CCDC60: variants seen among roughly 807,000 people sequenced by gnomAD.
CCDC60 encodes the protein coiled-coil domain containing 60.
A neutral mutation model predicts 63.5 loss-of-function variants in CCDC60; 54 were observed. The ratio of observed to expected loss-of-function variants is 0.85; its 90% CI spans 0.68 to 1.07. CCDC60 has a LOEUF of 1.07. Among genes scored for constraint, CCDC60 ranks in the 50% least tolerant of loss-of-function variants. CCDC60 has a pLI of 0.00. For synonymous variants in CCDC60, 206 were observed against 238.8 expected (o/e 0.86, Z 1.27); for missense variants, 651 against 684.3 (o/e 0.95, Z 0.54).
chr12:119,376,044 T>C (rs1408971396), intron 1 of CCDC60, among the ~76,000 whole-genome samples: 3 of 152,170 alleles, frequency 2.0e-5, no homozygotes, highest in African/African-American at 4.8e-5. Context: ...GAAATGTGGC[T>C]GTTGGAAGAG....
intron 1 of CCDC60, among the ~76,000 whole-genome samples, chr12:119,343,956 A>G (rs1955559567): frequency 6.6e-6 from 1 of 152,114 alleles, no homozygotes; most frequent in African/African-American, 2.4e-5. Flanking sequence ...CTCCTTCTCC[A>G]TACCCAAAGT....
intron 1 of CCDC60, among the ~76,000 whole-genome samples, chr12:119,409,844 T>C (rs1185731656): frequency 6.6e-6 from 1 of 152,062 alleles, no homozygotes; most frequent in Non-Finnish European, 1.5e-5. Context: ...TGCCTCTCTC[T>C]GTGTGTCTCC....
chr12:119,377,784 G>C (rs1280331881), intron 1 of CCDC60, among the ~76,000 whole-genome samples: 1 of 152,098 alleles, frequency 6.6e-6, no homozygotes, highest in Non-Finnish European at 1.5e-5. Context: ...TGTGAACACA[G>C]GCTCTTAAAC....
intron 13 of CCDC60, among the ~76,000 whole-genome samples, chr12:119,537,202 G>A (rs886432571): frequency 2.0e-5 from 3 of 151,866 alleles, no homozygotes; most frequent in Admixed American, 6.6e-5. Flanking sequence ...AGATTGAATC[G>A]GCTACTGAAG....
At chr12:119,503,772 G>A (rs892181405) in intron 6 of CCDC60, among the ~76,000 whole-genome samples, 13 of 152,142 alleles carry the variant, frequency 8.5e-5, no homozygotes, top group Non-Finnish European at 1.9e-4. Context: ...ACATACAGTG[G>A]ACTCCCTGAA....
At chr12:119,480,442 C>T (rs1951277830) in intron 4 of CCDC60, among the ~76,000 whole-genome samples, 1 of 152,166 alleles carries the variant, frequency 6.6e-6, no homozygotes. Context: ...AGCCAAGTTT[C>T]CTATACTTGA....
intron 4 of CCDC60, among the ~76,000 whole-genome samples, chr12:119,483,272 T>C (rs962750736): frequency 2.0e-5 from 3 of 152,248 alleles, no homozygotes; most frequent in Non-Finnish European, 4.4e-5. Flanking sequence ...CCCTGCCTGA[T>C]AATTCCTGAA....
intron 1 of CCDC60, among the ~76,000 whole-genome samples, chr12:119,425,004 T>C (rs1377839127): frequency 1.5e-5 from 2 of 134,538 alleles, no homozygotes; most frequent in African/African-American, 2.8e-5. Context: ...CAGCTATCAT[T>C]AGGTGACATT....
chr12:119,446,656 A>T (rs1051876148), intron 2 of CCDC60, among the ~76,000 whole-genome samples: 1 of 152,000 alleles, frequency 6.6e-6, no homozygotes, highest in Non-Finnish European at 1.5e-5. Flanking sequence ...CCAAATTATG[A>T]GTCAGAGTGT....
At chr12:119,411,024 C>T (rs1234295008) in intron 1 of CCDC60, among the ~76,000 whole-genome samples, 2 of 152,210 alleles carry the variant, frequency 1.3e-5, no homozygotes, top group Admixed American at 6.5e-5. Flanking sequence ...TGAGCCACTG[C>T]GCCCGGCCAC....
chr12:119,400,295 C>T (rs1240825974), intron 1 of CCDC60, among the ~76,000 whole-genome samples: 5 of 152,170 alleles, frequency 3.3e-5, no homozygotes, highest in African/African-American at 9.7e-5. Flanking sequence ...GTGATCCACC[C>T]GCCTTGGCCT....
In CCDC60 at chr12:119,456,041, A is replaced by AAG. The variant is rs1350255391; in HGVS notation, c.171-15951_171-15950dup. On this transcript the variant is annotated intron_variant, in intron 2 of 13. Transcript: ENST00000327554. This position sits in a 1 kb window ranked among gnomAD's most constrained non-coding sequence, Gnocchi z 4.6. Reference sequence around the variant, plus strand: ...AAAGAAAGAAAGAAAGAAAGAAAGAAAGAAAGAAAGAAAGAAAGAAAGCAA... The same window carrying AAG: ...AAAGAAAGAAAGAAAGAAAGAAAGAAAGAGAAAGAAAGAAAGAAAGAAAGCAA... Among the ~76,000 whole-genome samples the AAG allele has an allele frequency of 1.2e-4, 18 of 146,848 alleles. No homozygotes were observed. The highest frequency in any genetic ancestry group is 1.2e-3 in the Admixed American group (18 of 14,740).
intron 1 of CCDC60, among the ~76,000 whole-genome samples, chr12:119,377,254 CAAAAAAAAAAAAA>C (rs60100165): frequency 1.1e-4 from 5 of 47,458 alleles, no homozygotes; most frequent in South Asian, 1.3e-3. Context: ...CACTCCATCT[CAAAAAAAAAAAAA>C]AAAAAAAAAA....
chr12:119,373,185 T>G (rs562935486), intron 1 of CCDC60, among the ~76,000 whole-genome samples: 1 of 152,282 alleles, frequency 6.6e-6, no homozygotes, highest in African/African-American at 2.4e-5. Flanking sequence ...CTGGAGCAAC[T>G]TCAACTTCCT....
chr12:119,369,678 T>C (rs1044421414), intron 1 of CCDC60, among the ~76,000 whole-genome samples: 2 of 152,138 alleles, frequency 1.3e-5, no homozygotes, highest in African/African-American at 4.8e-5. Flanking sequence ...GTGGAGCTGT[T>C]GGGAGGATGT....
chr12:119,452,683 G>A (rs559512122), intron 2 of CCDC60, among the ~76,000 whole-genome samples: 5 of 152,322 alleles, frequency 3.3e-5, no homozygotes, highest in African/African-American at 9.6e-5. Context: ...TGGAAATGGC[G>A]ATAGTGGTGG....
chr12:119,530,908 C>A lies in CCDC60; in HGVS notation c.1396C>A (p.Leu466Ile), dbSNP rs148787992. ...FDLLSKLPEDLKNFRPAKKIL... is the reference protein window; with the variant it reads ...FDLLSKLPEDIKNFRPAKKIL... ...TCTGTTGTCCAAACTGCCAGAGGAT[C>A]TAAAGAACTTCCGCCCCGCCAAAAA... The change falls in exon 13 of 14, where the codon CTA (leucine) becomes ATA (isoleucine). Residue 466 changes from leucine to isoleucine, a missense_variant. Coordinates refer to ENST00000327554, the MANE Select transcript of CCDC60 (RefSeq NM_178499.5). 4.3e-5 allele frequency: 69 copies of A among 1,614,098 alleles called. No homozygotes were observed. In the African/African-American group the frequency reaches 5.6e-4, roughly 13 times the overall value.
rs1955664508 is a variant in CCDC60 at position 119,352,353 on chromosome 12, C to T, written c.90+17087C>T. ...CCTGCCTGTTAGTCTATCCTGTTAT[C>T]CTACCATTTACTAAGGGTTCACTGT... On this transcript the variant is annotated intron_variant, in intron 1 of 13. Transcript: ENST00000327554. Among the ~76,000 whole-genome samples the T allele has an allele frequency of 2.0e-5, 3 of 152,212 alleles. No homozygotes were observed. In the South Asian group the frequency reaches 6.2e-4, roughly 32 times the overall value.
At chr12:119,406,117 G>A (rs1956483967) in intron 1 of CCDC60, among the ~76,000 whole-genome samples, 1 of 152,120 alleles carries the variant, frequency 6.6e-6, no homozygotes, top group Admixed American at 6.5e-5. Context: ...ATTGTGGTGA[G>A]CAGAGATCGT....
Sources: gnomAD v4.1 joint callset for allele counts (sites outside exome capture counted in the v4.1 genomes callset) on GRCh38, gnomAD v4.1.1 for gene constraint, Gnocchi (gnomAD v3.1) non-coding constraint, MANE v1.5 for transcripts, NCBI Gene and HGNC (gene_info 2026-07-23, HGNC 2026-07-21) for gene names.